BCAS3: variants seen among roughly 807,000 people sequenced by gnomAD.
BCAS3 encodes BCAS4/BCAS3 fusion.
BCAS3 carries 53 observed loss-of-function variants against 116.1 expected under a neutral mutation model. The ratio of observed to expected loss-of-function variants is 0.46; its 90% confidence interval spans 0.37 to 0.57. The LOEUF (loss-of-function observed/expected upper bound fraction) is 0.57, where lower values mean the gene tolerates loss of function less well. Ranked by LOEUF, BCAS3 falls within the 20% of genes least tolerant of loss-of-function variation. The probability of loss-of-function intolerance (pLI) is 0.00; values close to 1 mark genes in which losing one functional copy is unlikely to be tolerated. For synonymous variants in BCAS3, 391 were observed against 408.2 expected (o/e 0.96, Z 0.51); for missense variants, 917 against 1,165.4 (o/e 0.79, Z 3.10).
rs1212711172 is a variant in BCAS3, at chr17:61,097,697, T to C, written c.2425+13133T>C. Among the ~76,000 whole-genome samples, 1 of 152,210 alleles carries C rather than the reference T, an allele frequency of 6.6e-6. No individual in the cohort carries two copies. The highest frequency in any genetic ancestry group is 1.5e-5 in the Non-Finnish European group (1 of 68,028). ...AACAGTTAGGTGCCCAACACTGTGC[T>C]AGGTCTTGCCACATGTCTCATCTCA... On this transcript the variant is annotated intron_variant, in intron 22 of 23. Coordinates refer to ENST00000407086, the MANE Select transcript of BCAS3 (RefSeq NM_017679.5). The surrounding 1 kb of genome is among the most constrained non-coding windows in gnomAD (Gnocchi z 4.0).
At chr17:60,887,883 T>G (rs1487687550) in intron 9 of BCAS3, among the ~76,000 whole-genome samples, 3 of 152,316 alleles carry the variant, frequency 2.0e-5, no homozygotes, top group African/African-American at 7.2e-5. Context: ...TGGACAAATA[T>G]AGTGTGCTTC....
intron 7 of BCAS3, among the ~76,000 whole-genome samples, chr17:60,857,690 A>G (rs1446495382): frequency 6.6e-6 from 1 of 152,216 alleles, no homozygotes; most frequent in Non-Finnish European, 1.5e-5. Flanking sequence ...TCAAAAGAGA[A>G]AACAGAGAAC....
chr17:61,387,101 C>T lies in BCAS3; in HGVS notation c.2594-4876C>T, dbSNP rs142809359. Among the ~76,000 whole-genome samples, 148 of 152,314 alleles carry T rather than the reference C, an allele frequency of 9.7e-4. No individual in the cohort carries two copies. Among genetic ancestry groups the T allele is most frequent in the African/African-American group, 3.5e-3 (144 of 41,566 alleles). On this transcript the variant is annotated intron_variant, in intron 23 of 23. Coordinates refer to ENST00000407086, the MANE Select transcript of BCAS3 (RefSeq NM_017679.5). This position sits in a 1 kb window ranked among gnomAD's most constrained non-coding sequence, Gnocchi z 6.2. Reference sequence around the variant, plus strand: ...CTTCACCTCCGACCTACTGCTGGGGCCCCTGGTTTGGCCTCTCCAGCTTTC... The same window carrying T: ...CTTCACCTCCGACCTACTGCTGGGGTCCCTGGTTTGGCCTCTCCAGCTTTC...
At chr17:61,149,130 G>T (rs1422736725) in intron 22 of BCAS3, among the ~76,000 whole-genome samples, 1 of 151,288 alleles carries the variant, frequency 6.6e-6, no homozygotes, top group Admixed American at 6.6e-5. Flanking sequence ...ATTTTACAAA[G>T]CCTGACCTTG....
At position 61,214,093 on chromosome 17, in the gene BCAS3, C is replaced by T. The variant is rs922782866; in HGVS notation, c.2425+129529C>T. On this transcript the variant is annotated intron_variant, in intron 22 of 23. Coordinates refer to ENST00000407086, the MANE Select transcript of BCAS3 (RefSeq NM_017679.5). This position sits in a 1 kb window ranked among gnomAD's most constrained non-coding sequence, Gnocchi z 4.4. Reference sequence around the variant, plus strand: ...GTTTGAGCTATAGGAATAGGCCATTCGTGGTGGCTCACACCTGTAATCCCA... The same window carrying T: ...GTTTGAGCTATAGGAATAGGCCATTTGTGGTGGCTCACACCTGTAATCCCA... Among the ~76,000 whole-genome samples the T allele has an allele frequency of 1.3e-5, 2 of 152,078 alleles. No homozygotes were observed. Among genetic ancestry groups the T allele is most frequent in the African/African-American group, 4.8e-5 (2 of 41,386 alleles).
rs1436798223 is a variant in BCAS3 at position 61,219,170 on chromosome 17, CTCT to C, written c.2425+134611_2425+134613del. Among the ~76,000 whole-genome samples, 1 of 152,180 alleles carries C rather than the reference CTCT, an allele frequency of 6.6e-6. No individual in the cohort carries two copies. ...CTGTAGCCTTTTTGAGAAGTGTTCA[CTCT>C]TCTTATGGGGGACGAAGGTGAGTAG... On this transcript the variant is annotated intron_variant, in intron 22 of 23. Coordinates refer to ENST00000407086, the MANE Select transcript of BCAS3 (RefSeq NM_017679.5). The surrounding 1 kb of genome is among the most constrained non-coding windows in gnomAD (Gnocchi z 5.2).
At chr17:60,927,618 A>T (rs979073289) in intron 13 of BCAS3, among the ~76,000 whole-genome samples, 1 of 152,168 alleles carries the variant, frequency 6.6e-6, no homozygotes, top group Admixed American at 6.5e-5. Flanking sequence ...GAATTTATTC[A>T]CTTTGAAATG....
At position 61,089,509 on chromosome 17, in the gene BCAS3, C is replaced by CTTTTTTTTTTTTTTTTTTTTT. The variant is rs71370187; in HGVS notation, c.2425+4963_2425+4983dup. Among the ~76,000 whole-genome samples the CTTTTTTTTTTTTTTTTTTTTT allele has an allele frequency of 2.2e-4, 6 of 26,722 alleles. 3 individuals carry two copies. Among genetic ancestry groups the CTTTTTTTTTTTTTTTTTTTTT allele is most frequent in the African/African-American group, 3.3e-4 (2 of 6,028 alleles). The allele number at this position is 26,722 out of a possible 152,430, so 17.5% of individuals were successfully genotyped here. A position where few individuals can be genotyped will look rare whatever the true frequency, so the allele number is the denominator to read the frequency against. ...TTTTTCTTCGAGACGGAGTTTCACTCTTTTTTTTTTTTTTTTTTTTTTTTT... is the reference window on the plus strand; with the variant it reads ...TTTTTCTTCGAGACGGAGTTTCACTCTTTTTTTTTTTTTTTTTTTTTTTTTTTTTTTTTTTTTTTTTTTTTT... On this transcript the variant is annotated intron_variant, in intron 22 of 23. Transcript: ENST00000407086.
intron 7 of BCAS3, among the ~76,000 whole-genome samples, chr17:60,820,219 C>A (rs1191618273): frequency 6.6e-6 from 1 of 152,130 alleles, no homozygotes; most frequent in Non-Finnish European, 1.5e-5. Context: ...AGGCACCCGC[C>A]ACCACGCCCG....
At chr17:60,691,501 G>A (rs1338226622) in intron 4 of BCAS3, among the ~76,000 whole-genome samples, 1 of 152,036 alleles carries the variant, frequency 6.6e-6, no homozygotes, top group African/African-American at 2.4e-5. Context: ...GTAATGTTTA[G>A]CATCTTTTTA....
rs961860394 is a variant in BCAS3, at chr17:61,241,081, A to G, written c.2426-127246A>G. The stretch of plus-strand genomic sequence containing the variant: ...TCACTCTCCATCACTTACCCTTCAA[A>G]AGACTCTGAATAGCAATTACAATAC... On this transcript the variant is annotated intron_variant, in intron 22 of 23. Transcript: ENST00000407086. The surrounding 1 kb of genome is among the most constrained non-coding windows in gnomAD (Gnocchi z 4.6). Among the ~76,000 whole-genome samples, 1 of 152,190 alleles carries G rather than the reference A, an allele frequency of 6.6e-6. No individual in the cohort carries two copies. The highest frequency in any genetic ancestry group is 1.5e-5 in the Non-Finnish European group (1 of 68,038).
intron 1 of BCAS3, among the ~76,000 whole-genome samples, chr17:60,678,923 C>G (rs1056297626): frequency 6.6e-6 from 1 of 152,116 alleles, no homozygotes; most frequent in Non-Finnish European, 1.5e-5. Context: ...GAGACCTGGT[C>G]CTATTAAAAA....
intron 8 of BCAS3, among the ~76,000 whole-genome samples, chr17:60,871,233 C>T (rs1040352685): frequency 6.6e-6 from 1 of 152,152 alleles, no homozygotes; most frequent in Non-Finnish European, 1.5e-5. Flanking sequence ...GGCACCATCA[C>T]GGCTCACTGC....
In BCAS3 at chr17:61,368,438, G is replaced by A. The variant is rs768357672; in HGVS notation, c.2537G>A (p.Arg846Gln). ...CACACGGAGGAGGGCCTCCGGGAGCGACTTGCCGACGCCATGGCCGAGTCA... is the reference window on the plus strand; with the variant it reads ...CACACGGAGGAGGGCCTCCGGGAGCAACTTGCCGACGCCATGGCCGAGTCA... ...MEHTEEGLRE[R>Q]LADAMAESPS... The change falls in exon 23 of 24, where the codon CGA becomes CAA. Residue 846 changes from arginine to glutamine, a missense_variant. By Grantham distance (43) the Arg-to-Gln change is conservative (BLOSUM62 1). Coordinates refer to ENST00000407086, the MANE Select transcript of BCAS3 (RefSeq NM_017679.5). The surrounding 1 kb of genome is among the most constrained non-coding windows in gnomAD (Gnocchi z 6.0). The A allele has an allele frequency of 4.3e-6, 7 of 1,612,472 alleles. No homozygotes were observed. In the East Asian group the frequency reaches 1.3e-4, roughly 31 times the overall value.
chr17:60,760,607 G>A (rs1392506830), intron 6 of BCAS3, among the ~76,000 whole-genome samples: 2 of 149,846 alleles, frequency 1.3e-5, no homozygotes, highest in Non-Finnish European at 2.9e-5. Context: ...TCCTTTATAG[G>A]TGACTAAATG....
chr17:60,847,340 A>G (rs2052632031), intron 7 of BCAS3, among the ~76,000 whole-genome samples: 1 of 152,136 alleles, frequency 6.6e-6, no homozygotes, highest in African/African-American at 2.4e-5. Context: ...CCTCTTGGGT[A>G]TATACCTAGG....
chr17:61,150,884 A>G (rs1018626759), intron 22 of BCAS3, among the ~76,000 whole-genome samples: 23 of 152,244 alleles, frequency 1.5e-4, no homozygotes, highest in African/African-American at 4.8e-4. Flanking sequence ...GAACGTGACT[A>G]TAAATCCTCC....
At position 61,162,880 on chromosome 17, in the gene BCAS3, C is replaced by T. The variant is rs1003584108; in HGVS notation, c.2425+78316C>T. On this transcript the variant is annotated intron_variant, in intron 22 of 23. Transcript: ENST00000407086. The surrounding 1 kb of genome is among the most constrained non-coding windows in gnomAD (Gnocchi z 5.6). ...GGGACACTCAAGAGGACCAACATGACGTTAGAGCTTTTTACTTAATAAATT... is the reference window on the plus strand; with the variant it reads ...GGGACACTCAAGAGGACCAACATGATGTTAGAGCTTTTTACTTAATAAATT... Among the ~76,000 whole-genome samples the T allele has an allele frequency of 5.3e-5, 8 of 152,124 alleles. No homozygotes were observed. Among genetic ancestry groups the T allele is most frequent in the Non-Finnish European group, 1.0e-4 (7 of 68,022 alleles).
intron 19 of BCAS3, among the ~76,000 whole-genome samples, chr17:61,055,283 T>C (rs1242564588): frequency 6.6e-6 from 1 of 152,214 alleles, no homozygotes; most frequent in African/African-American, 2.4e-5. Context: ...TACAACTGTC[T>C]GCTGTGTTAG....
Sources: allele counts gnomAD v4.1 joint callset (sites outside exome capture counted in the v4.1 genomes callset), GRCh38; gene constraint gnomAD v4.1.1; non-coding constraint Gnocchi (gnomAD v3.1); transcripts MANE v1.5; gene names NCBI Gene and HGNC (gene_info 2026-07-23, HGNC 2026-07-21).